TIAM1: variants seen among roughly 807,000 people sequenced by gnomAD.
The protein encoded by TIAM1 is TIAM Rac1 associated GEF 1, also known as rho guanine nucleotide exchange factor TIAM1.
In TIAM1, 65 loss-of-function variants were observed where a neutral mutation model predicts 163.5. The ratio of observed to expected loss-of-function variants is 0.40; its 90% CI spans 0.33 to 0.49. The LOEUF is 0.49. Ranked by LOEUF, TIAM1 falls within the 20% of genes least tolerant of loss-of-function variation. The probability of loss-of-function intolerance (pLI) is 0.77; values close to 1 mark genes in which losing one functional copy is unlikely to be tolerated. For missense variants in TIAM1, 1,789 were observed against 2,044.7 expected (o/e 0.87, Z 2.41); for synonymous variants, 833 against 810.1 (o/e 1.03, Z -0.48).
chr21:31,474,489 T>C (rs1025544120), intron 1 of TIAM1, among the ~76,000 whole-genome samples: 2 of 151,634 alleles, frequency 1.3e-5, no homozygotes, highest in Non-Finnish European at 2.9e-5. Flanking sequence ...TGAATTAATA[T>C]ATATGAAGCT....
chr21:31,370,043 C>T (rs1356052902), intron 2 of TIAM1, among the ~76,000 whole-genome samples: 2 of 152,132 alleles, frequency 1.3e-5, no homozygotes, highest in African/African-American at 2.4e-5. Context: ...CATGAGGACA[C>T]AGTGAAAAGA....
chr21:31,446,916 G>C (rs769855718), intron 2 of TIAM1, among the ~76,000 whole-genome samples: 1 of 152,216 alleles, frequency 6.6e-6, no homozygotes, highest in African/African-American at 2.4e-5. Flanking sequence ...TTTGAAGAAA[G>C]TAGGGTAGCT....
intron 22 of TIAM1, among the ~76,000 whole-genome samples, chr21:31,138,015 G>A (rs995156415): frequency 6.6e-6 from 1 of 151,618 alleles, no homozygotes; most frequent in African/African-American, 2.4e-5. Context: ...GGACTAGGGG[G>A]TCAGGGTGCT....
chr21:31,126,842 G>C (rs2082219127), intron 26 of TIAM1, among the ~76,000 whole-genome samples: 1 of 152,078 alleles, frequency 6.6e-6, no homozygotes, highest in Admixed American at 6.6e-5. Context: ...AGACGTGCAG[G>C]TGATCAACAC....
At chr21:31,435,107 C>A (rs915910974) in intron 2 of TIAM1, among the ~76,000 whole-genome samples, 2 of 152,134 alleles carry the variant, frequency 1.3e-5, no homozygotes, top group African/African-American at 4.8e-5. Context: ...TTGCCAAGAA[C>A]TTCGGGGCCA....
chr21:31,341,905 T>C (rs2076031747), intron 1 of TIAM1, among the ~76,000 whole-genome samples: 1 of 152,130 alleles, frequency 6.6e-6, no homozygotes, highest in South Asian at 2.1e-4. Flanking sequence ...AAATCGAAGT[T>C]GGTTCTTCCA....
chr21:31,290,849 GC>G (rs1408285275), intron 2 of TIAM1, among the ~76,000 whole-genome samples: 6 of 151,880 alleles, frequency 4.0e-5, no homozygotes, highest in African/African-American at 1.5e-4. Context: ...ATGTGCGAGG[GC>G]CAAAATCTCC....
intron 1 of TIAM1, among the ~76,000 whole-genome samples, chr21:31,497,862 G>A (rs1489860167): frequency 6.6e-6 from 1 of 152,148 alleles, no homozygotes; most frequent in Non-Finnish European, 1.5e-5. Flanking sequence ...AAGTAAAGCT[G>A]GGGGCTTGGA....
At chr21:31,209,150 G>C (rs140881418) in intron 11 of TIAM1, among the ~76,000 whole-genome samples, 246 of 152,280 alleles carry the variant, frequency 1.6e-3, no homozygotes, top group African/African-American at 5.4e-3. Context: ...GCAACTGACT[G>C]TGATGTGAGT....
At chr21:31,187,718 T>C (rs1202255205) in intron 13 of TIAM1, among the ~76,000 whole-genome samples, 1 of 152,134 alleles carries the variant, frequency 6.6e-6, no homozygotes, top group Non-Finnish European at 1.5e-5. Context: ...CCCTGGGCTC[T>C]GCTACATACT....
At chr21:31,299,718 C>T (rs758253761) in intron 2 of TIAM1, among the ~76,000 whole-genome samples, 3 of 152,162 alleles carry the variant, frequency 2.0e-5, no homozygotes, top group Non-Finnish European at 4.4e-5. Flanking sequence ...CAGAGCCAGA[C>T]AGAATCGGCG....
intron 2 of TIAM1, among the ~76,000 whole-genome samples, chr21:31,359,989 C>A (rs548744955): frequency 6.6e-6 from 1 of 152,140 alleles, no homozygotes; most frequent in South Asian, 2.1e-4. Context: ...TTCAAGAAGT[C>A]CTACAAACCC....
chr21:31,419,226 AT>A (rs1399920266), intron 2 of TIAM1, among the ~76,000 whole-genome samples: 2 of 152,248 alleles, frequency 1.3e-5, no homozygotes, highest in African/African-American at 2.4e-5. Flanking sequence ...TGGGATCATT[AT>A]TGCTAATTCT....
At chr21:31,230,175 AG>A (rs1316273229) in intron 6 of TIAM1, among the ~76,000 whole-genome samples, 4 of 152,196 alleles carry the variant, frequency 2.6e-5, no homozygotes, top group Non-Finnish European at 5.9e-5. Context: ...GAGTAAGAAA[AG>A]GAAATACCTA....
At chr21:31,272,472 C>G (rs2073100013) in intron 3 of TIAM1, among the ~76,000 whole-genome samples, 1 of 148,142 alleles carries the variant, frequency 6.8e-6, no homozygotes, top group Admixed American at 6.7e-5. Flanking sequence ...GGCTACTAAG[C>G]CTTTTGTAAA....
rs141738559 is a variant in TIAM1 at position 31,302,778 on chromosome 21, A to C, written c.-188-25870T>G. ...GTAAAGACAGTCTCAGGAAAAGATC[A>C]TTATGATGTAGACTGCCATTTTAAT... On this transcript the variant is annotated intron_variant, in intron 2 of 27. Transcript: ENST00000541036. 1.8e-3 allele frequency among the ~76,000 whole-genome samples: 267 copies of C among 152,362 alleles called. 1 individual carries two copies. Among genetic ancestry groups the C allele is most frequent in the African/African-American group, 6.2e-3 (259 of 41,588 alleles).
chr21:31,537,010 T>A (rs2048157995), intron 1 of TIAM1, among the ~76,000 whole-genome samples: 1 of 152,224 alleles, frequency 6.6e-6, no homozygotes, highest in Non-Finnish European at 1.5e-5. Flanking sequence ...TGGGGAAGGA[T>A]CCTTCCTTGC....
At chr21:31,126,507 C>T (rs1479203131) in intron 26 of TIAM1, among the ~76,000 whole-genome samples, 1 of 152,034 alleles carries the variant, frequency 6.6e-6, no homozygotes, top group Non-Finnish European at 1.5e-5. Flanking sequence ...GCAGAGGTTG[C>T]AGTGAGCCGA....
chr21:31,525,425 T>C (rs1261470291), intron 1 of TIAM1, among the ~76,000 whole-genome samples: 1 of 151,324 alleles, frequency 6.6e-6, no homozygotes, highest in Non-Finnish European at 1.5e-5. Flanking sequence ...ACTCGCTCCT[T>C]GTGAGAATGG....
Sources: allele counts gnomAD v4.1 joint callset (sites outside exome capture counted in the v4.1 genomes callset), GRCh38; gene constraint gnomAD v4.1.1; transcripts MANE v1.5; gene names NCBI Gene and HGNC (gene_info 2026-07-23, HGNC 2026-07-21).